FHIP1A: variants seen among roughly 807,000 people sequenced by gnomAD.
FHIP1A encodes the protein FHF complex subunit HOOK-interacting protein 1A.
FHIP1A carries 61 observed loss-of-function variants against 88.6 expected under a neutral mutation model. The ratio of observed to expected loss-of-function variants is 0.69; its 90% CI spans 0.56 to 0.85. The LOEUF (loss-of-function observed/expected upper bound fraction) is 0.85, where lower values mean the gene tolerates loss of function less well. Ranked by LOEUF, FHIP1A falls within the 40% of genes least tolerant of loss-of-function variation. The pLI is 0.00. For missense variants in FHIP1A, 1,154 were observed against 1,273.5 expected, an observed-to-expected ratio of 0.91 and a Z score of 1.43; for synonymous variants, 478 against 496.0, an observed-to-expected ratio of 0.96 and a Z score of 0.48.
At chr4:151,456,982 A>G (rs1728989072) in intron 2 of FHIP1A, among the ~76,000 whole-genome samples, 1 of 152,122 alleles carries the variant, frequency 6.6e-6, no homozygotes, top group Non-Finnish European at 1.5e-5. Context: ...TTTGAAAGCT[A>G]ATGACATTAT....
chr4:151,499,160 G>T (rs1730562836), intron 3 of FHIP1A, among the ~76,000 whole-genome samples: 1 of 152,174 alleles, frequency 6.6e-6, no homozygotes, highest in Non-Finnish European at 1.5e-5. Flanking sequence ...GTGGGTGAGA[G>T]TCAAGAGAAA....
chr4:151,638,034 C>T (rs1190342858), intron 8 of FHIP1A, among the ~76,000 whole-genome samples: 2 of 152,114 alleles, frequency 1.3e-5, no homozygotes, highest in Non-Finnish European at 2.9e-5. Flanking sequence ...TGGGTATCTC[C>T]CCTGTTTGGC....
intron 3 of FHIP1A, chr4:151,533,017 A>G (rs1006108307): frequency 3.9e-5 from 6 of 152,266 alleles, no homozygotes; most frequent in African/African-American, 1.4e-4. Flanking sequence ...GGGCACAGCC[A>G]AACCATATCA....
At chr4:151,479,576 G>A (rs574553662) in intron 2 of FHIP1A, among the ~76,000 whole-genome samples, 4 of 152,062 alleles carry the variant, frequency 2.6e-5, no homozygotes, top group East Asian at 1.9e-4. Flanking sequence ...TTCTCTCTTC[G>A]TTGGTTGGTT....
intron 3 of FHIP1A, among the ~76,000 whole-genome samples, chr4:151,543,529 A>G (rs1732375867): frequency 6.6e-6 from 1 of 152,252 alleles, no homozygotes; most frequent in Non-Finnish European, 1.5e-5. Flanking sequence ...AGCATACAAT[A>G]CACCTGGAGA....
intron 3 of FHIP1A, among the ~76,000 whole-genome samples, chr4:151,487,625 A>G (rs1730135683): frequency 6.6e-6 from 1 of 152,222 alleles, no homozygotes. Context: ...TGGCATCACC[A>G]TCAACCATCA....
Position 151,669,016 on chromosome 4 carries a change from G to A in FHIP1A, c.*6262G>A, listed in dbSNP as rs534207510. On this transcript the variant is annotated 3_prime_UTR_variant, in exon 14 of 14. Coordinates refer to ENST00000435205, the MANE Select transcript of FHIP1A (RefSeq NM_001109977.3). ...ATACATTTTAATGAGATTTCTCCCT[G>A]AAGGGTGAACCAGTAGACCAGACTA... is the stretch of plus-strand genomic sequence containing the variant. 1.3e-5 allele frequency among the ~76,000 whole-genome samples: 2 copies of A among 152,334 alleles called. No individual in the cohort carries two copies. The highest frequency in any genetic ancestry group is 2.9e-5 in the Non-Finnish European group (2 of 68,034).
At chr4:151,526,058 T>G (rs547701316) in intron 3 of FHIP1A, among the ~76,000 whole-genome samples, 19 of 152,324 alleles carry the variant, frequency 1.2e-4, no homozygotes, top group East Asian at 1.2e-3. Flanking sequence ...ATGTTTCAGA[T>G]AGCACAGGGT....
intron 3 of FHIP1A, among the ~76,000 whole-genome samples, chr4:151,526,198 T>C (rs1344085928): frequency 6.6e-6 from 1 of 150,632 alleles, no homozygotes; most frequent in African/African-American, 2.4e-5. Context: ...TCTCAATCTC[T>C]TCCCCACCCT....
intron 7 of FHIP1A, among the ~76,000 whole-genome samples, chr4:151,620,049 C>T (rs1411267447): frequency 6.6e-6 from 1 of 152,164 alleles, no homozygotes. Flanking sequence ...TTTAGTAGTG[C>T]CTGCCATAAA....
intron 7 of FHIP1A, among the ~76,000 whole-genome samples, chr4:151,589,321 A>AT (rs1734338390): frequency 6.6e-6 from 1 of 152,218 alleles, no homozygotes; most frequent in Non-Finnish European, 1.5e-5. Flanking sequence ...AGTGCCATAG[A>AT]TTTGCCATCT....
Position 151,588,912 on chromosome 4 carries a change from C to G in FHIP1A, c.964C>G (p.Pro322Ala). The G allele has an allele frequency of 6.5e-7, 1 of 1,548,486 alleles. No homozygotes were observed. Among genetic ancestry groups the G allele is most frequent in the Non-Finnish European group, 8.7e-7 (1 of 1,144,104 alleles). Residue 322 changes from proline to alanine, a missense_variant, in exon 7 of 14, where the codon CCT (proline) becomes GCT (alanine). Pro to Ala is a conservative substitution (Grantham distance 27, BLOSUM62 -1). Transcript: ENST00000435205. ...TGGATTTTTGGTACCAGTCTTGGCT[C>G]CTGCTCTCCATAAGGTCAGTGATTG... is the stretch of plus-strand genomic sequence containing the variant. Reference protein sequence around the residue: ...YNGFLVPVLAPALHKVTVEEV... With the variant: ...YNGFLVPVLAAALHKVTVEEV...
At chr4:151,526,238 T>A (rs1464618146) in intron 3 of FHIP1A, among the ~76,000 whole-genome samples, 3 of 152,080 alleles carry the variant, frequency 2.0e-5, no homozygotes, top group Non-Finnish European at 4.4e-5. Context: ...AAAACCGCCA[T>A]TGTCATCATG....
At chr4:151,506,323 G>A (rs1730837585) in intron 3 of FHIP1A, among the ~76,000 whole-genome samples, 1 of 152,182 alleles carries the variant, frequency 6.6e-6, no homozygotes, top group Non-Finnish European at 1.5e-5. Flanking sequence ...AGTTTTCTAT[G>A]AACTTTGTTA....
chr4:151,635,241 G>A (rs945641913), intron 8 of FHIP1A, among the ~76,000 whole-genome samples: 2 of 151,860 alleles, frequency 1.3e-5, no homozygotes, highest in Non-Finnish European at 2.9e-5. Context: ...TGGTGAGAAT[G>A]TGGAAATACT....
intron 7 of FHIP1A, among the ~76,000 whole-genome samples, chr4:151,604,018 T>C (rs1485321957): frequency 6.6e-6 from 1 of 152,196 alleles, no homozygotes; most frequent in Non-Finnish European, 1.5e-5. Flanking sequence ...CTTCCTACAA[T>C]GTTCTTGGTC....
chr4:151,427,928 TATTAA>T (rs1457146575), intron 1 of FHIP1A, among the ~76,000 whole-genome samples: 2 of 152,166 alleles, frequency 1.3e-5, no homozygotes, highest in Admixed American at 6.5e-5. Context: ...CGATGGTGAT[TATTAA>T]ATTTCTGAGC....
At chr4:151,517,281 A>G (rs761493223) in intron 3 of FHIP1A, among the ~76,000 whole-genome samples, 8 of 151,626 alleles carry the variant, frequency 5.3e-5, no homozygotes, top group Non-Finnish European at 8.8e-5. Context: ...GAAGGGGAAC[A>G]TCACATCTGG....
chr4:151,465,598 G>T (rs1729281660), intron 2 of FHIP1A, among the ~76,000 whole-genome samples: 1 of 152,178 alleles, frequency 6.6e-6, no homozygotes, highest in South Asian at 2.1e-4. Context: ...TAATATCACT[G>T]ATCAATATCC....
Sources: gnomAD v4.1 joint callset for allele counts (sites outside exome capture counted in the v4.1 genomes callset) on GRCh38, gnomAD v4.1.1 for gene constraint, MANE v1.5 for transcripts, NCBI Gene and HGNC (gene_info 2026-07-23, HGNC 2026-07-21) for gene names.